Variants in GUCY1A1 observed in about 807,000 individuals in gnomAD.
The protein encoded by GUCY1A1 is guanylate cyclase soluble subunit alpha-1.
In GUCY1A1, 48 loss-of-function variants were observed where a neutral mutation model predicts 64.5. The ratio of observed to expected loss-of-function variants is 0.74; its 90% CI spans 0.59 to 0.95. The LOEUF (loss-of-function observed/expected upper bound fraction) is 0.95, where lower values mean the gene tolerates loss of function less well. GUCY1A1 is among the 40% of genes least tolerant of loss of function. The pLI is 0.00. For synonymous variants in GUCY1A1, 308 were observed against 303.4 expected (o/e 1.02, Z -0.16); for missense variants, 804 against 825.3 (o/e 0.97, Z 0.32).
At chr4:155,715,591 T>C (rs986422742) in intron 7 of GUCY1A1, among the ~76,000 whole-genome samples, 1 of 152,160 alleles carries the variant, frequency 6.6e-6, no homozygotes, top group Non-Finnish European at 1.5e-5. Flanking sequence ...GGATGCAGTA[T>C]GCACAAAGGG....
At chr4:155,670,622 G>T (rs1474942485) in intron 2 of GUCY1A1, among the ~76,000 whole-genome samples, 1 of 152,166 alleles carries the variant, frequency 6.6e-6, no homozygotes, top group Admixed American at 6.5e-5. Context: ...TTCCCTCTCA[G>T]CCCACAGTAG....
chr4:155,691,568 G>A (rs969200414), intron 2 of GUCY1A1, among the ~76,000 whole-genome samples: 1 of 152,006 alleles, frequency 6.6e-6, no homozygotes, highest in Non-Finnish European at 1.5e-5. Context: ...TCCTTACTAA[G>A]GCAATTTGCT....
chr4:155,712,827 T>G (rs1732748590), intron 6 of GUCY1A1, among the ~76,000 whole-genome samples: 1 of 152,246 alleles, frequency 6.6e-6, no homozygotes, highest in Non-Finnish European at 1.5e-5. Context: ...AGCATCAGCA[T>G]GCTGCTTAGT....
chr4:155,682,935 GC>G (rs1736012964), intron 2 of GUCY1A1, among the ~76,000 whole-genome samples: 1 of 151,598 alleles, frequency 6.6e-6, no homozygotes, highest in South Asian at 2.1e-4. Context: ...TTCATGTTTT[GC>G]CCCCTATATT....
At chr4:155,671,655 G>A (rs1169436479) in intron 2 of GUCY1A1, among the ~76,000 whole-genome samples, 2 of 152,094 alleles carry the variant, frequency 1.3e-5, no homozygotes, top group East Asian at 3.9e-4. Flanking sequence ...CTTGAATACA[G>A]TAAGCATTTC....
At chr4:155,710,275 T>A (rs900553972) in intron 5 of GUCY1A1, among the ~76,000 whole-genome samples, 1 of 152,202 alleles carries the variant, frequency 6.6e-6, no homozygotes, top group Non-Finnish European at 1.5e-5. Context: ...TAGTTAGGTT[T>A]CAGGGAGATA....
At chr4:155,681,216 G>T (rs758491205) in intron 2 of GUCY1A1, among the ~76,000 whole-genome samples, 21 of 152,086 alleles carry the variant, frequency 1.4e-4, no homozygotes, top group Non-Finnish European at 1.5e-5. Flanking sequence ...TGTCTCACTT[G>T]TTCTCATTAT....
rs1374150841 is a variant in GUCY1A1, at chr4:155,667,378, A to T, written c.-154A>T. The T allele has an allele frequency of 1.3e-5, 2 of 152,326 alleles. No homozygotes were observed. The highest frequency in any genetic ancestry group is 4.8e-5 in the African/African-American group (2 of 41,434). 9.4% of individuals were successfully genotyped at this position (152,326 alleles called of 1,614,324 possible). On this transcript the variant is annotated 5_prime_UTR_variant, in exon 2 of 10. Coordinates refer to ENST00000506455, the MANE Select transcript of GUCY1A1 (RefSeq NM_001130682.3). ...TTGCGAGGCGCGCCCTGGAGCTGCT[A>T]GAGATCCGGAAGCACAGCCCCGAGG...
intron 2 of GUCY1A1, among the ~76,000 whole-genome samples, chr4:155,690,468 A>G (rs1429622753): frequency 2.0e-5 from 3 of 152,114 alleles, no homozygotes. Context: ...TCTCTTGCTT[A>G]TTAGTTATTT....
rs1425370192 is a variant in GUCY1A1, at chr4:155,713,307, G to A, written c.1296G>A (p.Leu432=). 4 of 1,614,068 alleles carry A rather than the reference G, an allele frequency of 2.5e-6. No homozygotes were observed. Among genetic ancestry groups the A allele is most frequent in the Non-Finnish European group, 3.4e-6 (4 of 1,180,032 alleles). Reference sequence around the variant, plus strand: ...GCCTGAAGAAGAGGCTGGGGAAGCTGAAGGCTACCCTTGAGCAAGCCCACC... The same window carrying A: ...GCCTGAAGAAGAGGCTGGGGAAGCTAAAGGCTACCCTTGAGCAAGCCCACC... ...QDGLKKRLGK[L]KATLEQAHQA... is the part of the protein sequence containing the mutation. The change falls in exon 7 of 10, where the codon CTG becomes CTA. Residue 432 remains leucine, a synonymous_variant. Transcript: ENST00000506455.
intron 2 of GUCY1A1, among the ~76,000 whole-genome samples, chr4:155,687,064 C>T (rs1364617941): frequency 6.6e-6 from 1 of 151,974 alleles, no homozygotes; most frequent in African/African-American, 2.4e-5. Flanking sequence ...CTTAAACAAG[C>T]TTTGATGCAT....
rs1041269174 is a variant in GUCY1A1, at chr4:155,676,564, C to G, written c.-113+9145C>G. Among the ~76,000 whole-genome samples the G allele has an allele frequency of 3.3e-5, 5 of 151,458 alleles. No homozygotes were observed. The East Asian group carries it at 9.6e-4, about 29-fold the overall frequency. The stretch of plus-strand genomic sequence containing the variant: ...CTGTGTTTCTATTTACATTCACTGT[C>G]CTTGATAAATACTAATTGGCCAGTG... On this transcript the variant is annotated intron_variant, in intron 2 of 9. Transcript: ENST00000506455.
intron 9 of GUCY1A1, among the ~76,000 whole-genome samples, chr4:155,723,126 A>G (rs1344392993): frequency 2.0e-5 from 3 of 152,120 alleles, no homozygotes; most frequent in African/African-American, 7.2e-5. Context: ...CAAGGGCCTC[A>G]TGGAAAACAG....
intron 5 of GUCY1A1, 61 bp from the exon 6 acceptor site, chr4:155,710,481 T>C (rs1340584397): frequency 1.0e-6 from 1 of 973,748 alleles, no homozygotes; most frequent in African/African-American, 1.6e-5. Context: ...ATAGGAATAA[T>C]GGCACAGCTT....
Position 155,713,568 on chromosome 4 carries a change from G to C in GUCY1A1, c.1557G>C (p.Glu519Asp), listed in dbSNP as rs1732866229. ...LYTRFDQQCG[E>D]LDVYKVETIG... is the part of the protein sequence containing the mutation. ...CTCGCTTCGACCAGCAGTGTGGAGA[G>C]CTGGATGTCTACAAGGTAGGAGTGG... Residue 519 changes from glutamate to aspartate, a missense_variant, in exon 7 of 10, where the codon GAG becomes GAC. Glu to Asp is a conservative substitution (Grantham distance 45). Coordinates refer to ENST00000506455, the MANE Select transcript of GUCY1A1 (RefSeq NM_001130682.3). 1 of 1,613,074 alleles carries C rather than the reference G, an allele frequency of 6.2e-7. No homozygotes were observed. Among genetic ancestry groups the C allele is most frequent in the East Asian group, 2.2e-5 (1 of 44,824 alleles).
At chr4:155,718,970 TTCTC>T (rs1412012314) in intron 8 of GUCY1A1, among the ~76,000 whole-genome samples, 1 of 152,190 alleles carries the variant, frequency 6.6e-6, no homozygotes, top group Non-Finnish European at 1.5e-5. Context: ...ATATATTTCT[TTCTC>T]TTTCTAATTT....
At chr4:155,710,471 A>G in intron 5 of GUCY1A1, 71 bp from the exon 6 acceptor site, 6 of 921,758 alleles carry the variant, frequency 6.5e-6, no homozygotes, top group Non-Finnish European at 1.0e-5. Context: ...CAAGTTGAAA[A>G]TAGGAATAAT....
intron 9 of GUCY1A1, among the ~76,000 whole-genome samples, chr4:155,727,306 C>T (rs1286946975): frequency 6.6e-6 from 1 of 151,792 alleles, no homozygotes; most frequent in Non-Finnish European, 1.5e-5. Flanking sequence ...ATATAATGAA[C>T]ATTTCAAACT....
intron 9 of GUCY1A1, among the ~76,000 whole-genome samples, chr4:155,724,919 C>T (rs1036064815): frequency 7.2e-5 from 11 of 152,066 alleles, no homozygotes; most frequent in Middle Eastern, 3.2e-3. Context: ...ATGAAATCCA[C>T]TTCCCACCCA....
Sources: gnomAD v4.1 joint callset for allele counts (sites outside exome capture counted in the v4.1 genomes callset) on GRCh38, gnomAD v4.1.1 for gene constraint, MANE v1.5 for transcripts, NCBI Gene and HGNC (gene_info 2026-07-23, HGNC 2026-07-21) for gene names.